The following ERBB4 variants were observed in gnomAD, a reference collection of about 807,000 sequenced individuals.
ERBB4 encodes receptor tyrosine-protein kinase erbB-4.
Under a neutral mutation model 158.0 loss-of-function variants are expected in ERBB4, and 42 were observed. That is an observed-to-expected ratio of 0.27 (90% CI 0.21 to 0.34). The LOEUF (loss-of-function observed/expected upper bound fraction) is 0.34. Among genes scored for constraint, ERBB4 ranks in the 10% least tolerant of loss-of-function variants. The pLI, the probability that ERBB4 is intolerant of heterozygous loss-of-function variation, is 1.00. For synonymous variants in ERBB4, 583 were observed against 558.7 expected (o/e 1.04, Z -0.61); for missense variants, 1,333 against 1,624.1 (o/e 0.82, Z 3.08).
intron 2 of ERBB4, among the ~76,000 whole-genome samples, chr2:212,056,950 G>A (rs940630956): frequency 7.2e-5 from 11 of 152,108 alleles, no homozygotes; most frequent in African/African-American, 2.7e-4. Context: ...AGTGTAAATG[G>A]GCTAAATGCT....
chr2:212,503,843 CAG>C (rs1325664323), intron 1 of ERBB4, among the ~76,000 whole-genome samples: 1 of 151,448 alleles, frequency 6.6e-6, no homozygotes, highest in Non-Finnish European at 1.5e-5. Context: ...CAGTTACAGC[CAG>C]AGTTATGTCT....
chr2:211,829,739 A>G (rs1180733151), intron 3 of ERBB4, among the ~76,000 whole-genome samples: 1 of 152,086 alleles, frequency 6.6e-6, no homozygotes, highest in African/African-American at 2.4e-5. Context: ...TTTCTTATCT[A>G]TTGTCCTTCC....
At chr2:211,837,200 C>A (rs2077361144) in intron 3 of ERBB4, among the ~76,000 whole-genome samples, 2 of 152,030 alleles carry the variant, frequency 1.3e-5, no homozygotes, top group African/African-American at 2.4e-5. Context: ...TAATCCTAAT[C>A]CAAATCTATG....
At chr2:212,266,129 C>T (rs941235018) in intron 1 of ERBB4, among the ~76,000 whole-genome samples, 2 of 151,816 alleles carry the variant, frequency 1.3e-5, no homozygotes, top group African/African-American at 4.8e-5. Context: ...TCTGTGTCTC[C>T]TTCCCCCTTC....
intron 3 of ERBB4, among the ~76,000 whole-genome samples, chr2:211,812,418 C>T (rs1409537607): frequency 6.6e-6 from 1 of 152,178 alleles, no homozygotes; most frequent in African/African-American, 2.4e-5. Flanking sequence ...GAAGCTTCAT[C>T]CCAGAGGGGC....
chr2:211,910,001 C>T (rs1333667668), intron 3 of ERBB4, among the ~76,000 whole-genome samples: 1 of 151,570 alleles, frequency 6.6e-6, no homozygotes, highest in Non-Finnish European at 1.5e-5. Flanking sequence ...CTCACTGCAA[C>T]CTCCGCCTCC....
intron 1 of ERBB4, among the ~76,000 whole-genome samples, chr2:212,433,168 C>T (rs2092066854): frequency 6.6e-6 from 1 of 151,946 alleles, no homozygotes; most frequent in Admixed American, 6.6e-5. Context: ...TAGCTAAATA[C>T]TTCATTTGTA....
intron 1 of ERBB4, among the ~76,000 whole-genome samples, chr2:212,293,803 G>A (rs1047242025): frequency 1.4e-4 from 18 of 131,860 alleles, no homozygotes; most frequent in African/African-American, 5.3e-4. Context: ...AGTCAAAATA[G>A]TGCCACTGCA....
At chr2:211,401,707 G>C (rs936958724) in intron 25 of ERBB4, among the ~76,000 whole-genome samples, 2 of 151,958 alleles carry the variant, frequency 1.3e-5, no homozygotes, top group African/African-American at 4.8e-5. Flanking sequence ...ACATGCTTAA[G>C]AAAGATGCAC....
At chr2:212,506,535 A>C (rs1185481419) in intron 1 of ERBB4, among the ~76,000 whole-genome samples, 3 of 152,094 alleles carry the variant, frequency 2.0e-5, no homozygotes, top group Admixed American at 2.0e-4. Flanking sequence ...TGATAACAAA[A>C]AAAAAAAAAA....
chr2:212,190,742 AAAACCTTTACCTT>A (rs2082164880), intron 1 of ERBB4, among the ~76,000 whole-genome samples: 1 of 152,196 alleles, frequency 6.6e-6, no homozygotes. Flanking sequence ...CCTAATGATG[AAAACCTTTACCTT>A]AAATGAATGT....
chr2:211,582,991 T>C lies in ERBB4; in HGVS notation c.2302-20903A>G, dbSNP rs187532401. Among the ~76,000 whole-genome samples the C allele has an allele frequency of 5.9e-5, 9 of 152,216 alleles. No homozygotes were observed. The East Asian group carries it at 1.7e-3, about 29-fold the overall frequency. On this transcript the variant is annotated intron_variant, in intron 19 of 27. Coordinates refer to ENST00000342788, the MANE Select transcript of ERBB4 (RefSeq NM_005235.3). ...ACAGAATTACAGTGCTTTTTAACAT[T>C]AGGGCATTTTTGCATGTTTAATATA...
At chr2:211,773,640 AT>A (rs2075791715) in intron 4 of ERBB4, among the ~76,000 whole-genome samples, 4 of 87,194 alleles carry the variant, frequency 4.6e-5, no homozygotes, top group East Asian at 5.7e-4. Flanking sequence ...ATATATATAT[AT>A]ATATATAATA....
chr2:211,395,620 C>CAA (rs1350643975), intron 25 of ERBB4, among the ~76,000 whole-genome samples: 4 of 151,076 alleles, frequency 2.6e-5, no homozygotes, highest in African/African-American at 7.3e-5. Flanking sequence ...AATTTTAAGA[C>CAA]AGATATTAAC....
intron 1 of ERBB4, among the ~76,000 whole-genome samples, chr2:212,257,864 G>A (rs957020314): frequency 5.9e-5 from 9 of 151,716 alleles, no homozygotes; most frequent in South Asian, 2.1e-4. Context: ...TAAAAAAAAA[G>A]CATGGTCTAA....
rs769707072 is a variant in ERBB4, at chr2:211,560,262, C to CTTTTTTTTTTTTTTT, written c.2487+1626_2487+1640dup. On this transcript the variant is annotated intron_variant, in intron 20 of 27. Coordinates refer to ENST00000342788, the MANE Select transcript of ERBB4 (RefSeq NM_005235.3). Reference sequence around the variant, plus strand: ...CAGCACTAACAAATTTGAAGCTTAGCTTTTTTTTTTTTTTTTTTTTTTTTT... The same window carrying CTTTTTTTTTTTTTTT: ...CAGCACTAACAAATTTGAAGCTTAGCTTTTTTTTTTTTTTTTTTTTTTTTTTTTTTTTTTTTTTTT... Among the ~76,000 whole-genome samples, 65 of 46,318 alleles carry CTTTTTTTTTTTTTTT rather than the reference C, an allele frequency of 1.4e-3. 16 individuals carry two copies. The highest frequency in any genetic ancestry group is 3.1e-3 in the African/African-American group (32 of 10,458). The allele number at this position is 46,318 out of a possible 152,430, so 30.4% of individuals were successfully genotyped here.
intron 19 of ERBB4, among the ~76,000 whole-genome samples, chr2:211,570,723 G>C (rs1416409621): frequency 6.6e-6 from 1 of 151,962 alleles, no homozygotes; most frequent in Admixed American, 6.6e-5. Context: ...AAAAATAAAA[G>C]TTCCTTCAAT....
rs140318233 is a variant in ERBB4 at position 211,448,301 on chromosome 2, A to G, written c.2488-17201T>C. Among the ~76,000 whole-genome samples the G allele has an allele frequency of 1.7e-3, 253 of 152,270 alleles. 3 individuals carry two copies. Among genetic ancestry groups the G allele is most frequent in the African/African-American group, 5.8e-3 (241 of 41,556 alleles). On this transcript the variant is annotated intron_variant, in intron 20 of 27. Transcript: ENST00000342788. ...TATTATTTTTAATATAAATAAGAACATATCACAAAGGTAGACTCTGCTGGA... is the reference window on the plus strand; with the variant it reads ...TATTATTTTTAATATAAATAAGAACGTATCACAAAGGTAGACTCTGCTGGA...
chr2:212,125,414 T>C (rs1292203569), intron 1 of ERBB4, among the ~76,000 whole-genome samples: 1 of 152,234 alleles, frequency 6.6e-6, no homozygotes, highest in African/African-American at 2.4e-5. Flanking sequence ...TTTTTATTTT[T>C]ATTTTTTAAC....
Sources: gnomAD v4.1 joint callset for allele counts (sites outside exome capture counted in the v4.1 genomes callset) on GRCh38, gnomAD v4.1.1 for gene constraint, MANE v1.5 for transcripts, NCBI Gene and HGNC (gene_info 2026-07-23, HGNC 2026-07-21) for gene names.